GAK: variants seen among roughly 807,000 people sequenced by gnomAD.
The protein encoded by GAK is cyclin G associated kinase, also known as cyclin-G-associated kinase.
Under a neutral mutation model 143.9 loss-of-function variants are expected in GAK, and 79 were observed. That is an observed-to-expected ratio of 0.55 (90% CI 0.46 to 0.66). The LOEUF (loss-of-function observed/expected upper bound fraction) is 0.66. Ranked by LOEUF, GAK falls within the 30% of genes least tolerant of loss-of-function variation. The pLI, the probability that GAK is intolerant of heterozygous loss-of-function variation, is 0.00. For synonymous variants in GAK, 881 were observed against 765.5 expected, an observed-to-expected ratio of 1.15 and a Z score of -2.49; for missense variants, 1,693 against 1,779.7, an observed-to-expected ratio of 0.95 and a Z score of 0.88.
intron 10 of GAK, 109 bp from the exon 11 acceptor site, chr4:889,079 C>G: frequency 2.3e-6 from 3 of 1,321,178 alleles, no homozygotes; most frequent in Non-Finnish European, 3.0e-6. Context: ...CCTCCCCAGG[C>G]GCTCGGTCCC....
chr4:881,385 C>T (rs1446822584), intron 15 of GAK, among the ~76,000 whole-genome samples: 1 of 152,222 alleles, frequency 6.6e-6, no homozygotes, highest in Admixed American at 6.5e-5. Context: ...ACACCTGCAG[C>T]CCCGAGAAAC....
rs373720705 is a variant in GAK, at chr4:883,304, T to G, written c.1404+11A>C. 7.4e-6 allele frequency: 12 copies of G among 1,612,706 alleles called. No homozygotes were observed. Among genetic ancestry groups the G allele is most frequent in the Non-Finnish European group, 9.3e-6 (11 of 1,179,718 alleles). ...CAGAGTGGCACCAAGACAAAGCCTG[T>G]GGCCACACACCCGGTTGTGGAACCT... On this transcript the variant is annotated intron_variant, in intron 13 of 27. Transcript: ENST00000314167.
chr4:893,681 C>T (rs1049216098), intron 8 of GAK, among the ~76,000 whole-genome samples, 192 bp from the exon 9 acceptor site: 2 of 151,966 alleles, frequency 1.3e-5, no homozygotes, highest in African/African-American at 2.4e-5. Context: ...CTCAGAGCAC[C>T]GCAAATTCAC....
intron 16 of GAK, 38 bp from the exon 17 acceptor site, chr4:877,245 C>T: frequency 7.1e-7 from 1 of 1,405,820 alleles, no homozygotes; most frequent in African/African-American, 1.4e-5. Context: ...TTTAAAAACC[C>T]CCAAAACCAA....
chr4:904,828 A>G (rs368298684), intron 4 of GAK, 49 bp from the exon 5 acceptor site: 84 of 1,590,540 alleles, frequency 5.3e-5, no homozygotes, highest in Non-Finnish European at 1.1e-5. Context: ...GGGTCCGGAG[A>G]CAGGGAACCT....
chr4:893,906 T>C lies in GAK; in HGVS notation c.845A>G (p.Asp282Gly). 1.9e-6 allele frequency: 3 copies of C among 1,610,508 alleles called. No individual in the cohort carries two copies. Among genetic ancestry groups the C allele is most frequent in the Non-Finnish European group, 2.5e-6 (3 of 1,178,404 alleles). ...GCTGTGGAAGACCGTGTACTGCGTG[T>C]CGTGCGGGGGGATCGAGTACTTCCC... The part of the protein sequence containing the change: ...VNGKYSIPPH[D>G]TQYTVFHSLI... Residue 282 changes from aspartate to glycine, a missense_variant, in exon 8 of 28, where the codon GAC becomes GGC. Around this residue, in one of 2 missense-constraint regions of GAK, gnomAD observed 871 missense variants for 991.0 expected, o/e 0.88. Transcript: ENST00000314167.
chr4:860,973 A>C (rs1464671052), intron 23 of GAK, among the ~76,000 whole-genome samples: 1 of 152,174 alleles, frequency 6.6e-6, no homozygotes, highest in African/African-American at 2.4e-5. Flanking sequence ...TGATATTTCA[A>C]ACTTCTTCAT....
At chr4:855,067 T>A (rs1239667837) in intron 24 of GAK, among the ~76,000 whole-genome samples, 2 of 152,086 alleles carry the variant, frequency 1.3e-5, no homozygotes, top group Non-Finnish European at 2.9e-5. Context: ...ATTCCAGGCA[T>A]CTAGTCCATC....
rs200146913 is a variant in GAK, at chr4:851,790, G to T, written c.3468C>A (p.Ile1156=). ...GGACCCCCCGCTCCTCCCGCGCCCC[G>T]ATCACACTGAAGTTCGAGGCATAGT... ...RPNYASNFSV[I]GAREERGVRA... Residue 1156 remains isoleucine (I), a synonymous_variant, in exon 25 of 28, where the codon ATC becomes ATA. Coordinates refer to ENST00000314167, the MANE Select transcript of GAK (RefSeq NM_005255.4). 1 of 1,612,710 alleles carries T rather than the reference G, an allele frequency of 6.2e-7. No individual in the cohort carries two copies. The highest frequency in any genetic ancestry group is 8.5e-7 in the Non-Finnish European group (1 of 1,179,446).
At chr4:888,506 G>C in intron 11 of GAK, 1 of 275,900 alleles carries the variant, frequency 3.6e-6, no homozygotes, top group South Asian at 4.8e-5. Context: ...GCTCAGTGAG[G>C]CGCCACCACC....
At chr4:914,592 C>T (rs1722731527) in intron 1 of GAK, among the ~76,000 whole-genome samples, 1 of 122,316 alleles carries the variant, frequency 8.2e-6, no homozygotes, top group Non-Finnish European at 1.7e-5. Context: ...GGGTGCACGG[C>T]CCCACACACA....
At chr4:883,572 A>G (rs1715617874) in intron 12 of GAK, 109 bp from the exon 13 acceptor site, 1 of 1,247,606 alleles carries the variant, frequency 8.0e-7, no homozygotes, top group Non-Finnish European at 1.1e-6. Flanking sequence ...AGCCTCCGGC[A>G]GCTCCACCAG....
intron 15 of GAK, among the ~76,000 whole-genome samples, chr4:880,792 C>G (rs1714944357): frequency 6.6e-6 from 1 of 152,144 alleles, no homozygotes; most frequent in Non-Finnish European, 1.5e-5. Context: ...GAGCAGCACT[C>G]TGCACATCTC....
intron 4 of GAK, among the ~76,000 whole-genome samples, chr4:906,541 A>G (rs1333824609): frequency 2.6e-5 from 4 of 152,096 alleles, no homozygotes; most frequent in African/African-American, 9.7e-5. Flanking sequence ...CAGCCCCCAC[A>G]GACGTGCAGA....
intron 1 of GAK, among the ~76,000 whole-genome samples, chr4:928,767 C>CT (rs1021996174): frequency 2.3e-4 from 34 of 148,700 alleles, no homozygotes; most frequent in East Asian, 9.8e-4. Flanking sequence ...TTTTTCTTTT[C>CT]TTTTTTTTTT....
At position 870,832 on chromosome 4, in the gene GAK, C is replaced by T. The variant is rs377594780; in HGVS notation, c.2127G>A (p.Val709=). 6.2e-7 allele frequency: 1 copy of T among 1,614,112 alleles called. No homozygotes were observed. The highest frequency in any genetic ancestry group is 8.5e-7 in the Non-Finnish European group (1 of 1,180,010). The change falls in exon 19 of 28, where the codon GTG becomes GTA. Residue 709 remains valine, a synonymous_variant. Coordinates refer to ENST00000314167, the MANE Select transcript of GAK (RefSeq NM_005255.4). ...CCCGGCTCGGCCTGTCCCTGGGCTC[C>T]ACCTCCACTTCCAGGTTCACTTGAA... The part of the protein sequence containing the change: ...DLFQVNLEVE[V]EPRDRPSREA...
intron 24 of GAK, chr4:859,179 C>G: frequency 1.0e-6 from 1 of 984,946 alleles, no homozygotes; most frequent in African/African-American, 1.7e-5. Context: ...ACCACAGCGC[C>G]CGGGCCGGGC....
intron 4 of GAK, among the ~76,000 whole-genome samples, chr4:910,160 A>G (rs539013456): frequency 1.3e-5 from 2 of 152,236 alleles, no homozygotes; most frequent in Non-Finnish European, 2.9e-5. Context: ...AGCTGCAGAG[A>G]AGAGACCCTG....
intron 1 of GAK, among the ~76,000 whole-genome samples, chr4:931,514 C>T (rs954313002): frequency 2.0e-5 from 3 of 149,472 alleles, no homozygotes; most frequent in East Asian, 2.0e-4. Flanking sequence ...CCAGCCCTAA[C>T]CTCCAAAGTC....
Sources: allele counts gnomAD v4.1 joint callset (sites outside exome capture counted in the v4.1 genomes callset), GRCh38; gene constraint gnomAD v4.1.1; regional missense constraint gnomAD v4.1.1; transcripts MANE v1.5; gene names NCBI Gene and HGNC (gene_info 2026-07-23, HGNC 2026-07-21).